Variants in EPHB2 observed in about 807,000 individuals in gnomAD.
The protein encoded by EPHB2 is ephrin type-B receptor 2.
A neutral mutation model predicts 96.4 loss-of-function variants in EPHB2; 18 were observed. That is an observed-to-expected ratio of 0.19 (90% CI 0.13 to 0.28). The LOEUF is 0.28. Ranked by LOEUF, EPHB2 falls within the 10% of genes least tolerant of loss-of-function variation. The pLI is 1.00. For synonymous variants in EPHB2, 506 were observed against 534.1 expected (o/e 0.95, Z 0.72); for missense variants, 989 against 1,355.4 (o/e 0.73, Z 4.25).
At chr1:22,871,326 C>G (rs1638658485) in intron 5 of EPHB2, among the ~76,000 whole-genome samples, 1 of 152,196 alleles carries the variant, frequency 6.6e-6, no homozygotes, top group African/African-American at 2.4e-5. Context: ...TGGGTATCCC[C>G]AGCCTTTGAG....
At chr1:22,812,547 G>A (rs1375738522) in intron 3 of EPHB2, among the ~76,000 whole-genome samples, 2 of 152,188 alleles carry the variant, frequency 1.3e-5, no homozygotes, top group Non-Finnish European at 2.9e-5. Context: ...GCTGTGGAGA[G>A]CGAGACGTTG....
At chr1:22,754,125 C>G (rs1469066825) in intron 1 of EPHB2, among the ~76,000 whole-genome samples, 3 of 152,196 alleles carry the variant, frequency 2.0e-5, no homozygotes, top group Admixed American at 2.0e-4. Context: ...ACTGGACCCT[C>G]TGTGGCCACC....
chr1:22,854,903 T>C (rs888908979), intron 3 of EPHB2, among the ~76,000 whole-genome samples: 4 of 152,124 alleles, frequency 2.6e-5, no homozygotes, highest in Admixed American at 2.0e-4. Flanking sequence ...AAAAGCCACT[T>C]TGCATGAGGC....
chr1:22,843,004 G>A (rs1267977063), intron 3 of EPHB2, among the ~76,000 whole-genome samples: 1 of 152,116 alleles, frequency 6.6e-6, no homozygotes, highest in Non-Finnish European at 1.5e-5. Context: ...CCCATTTGAT[G>A]ATAAATTCTC....
At position 22,865,026 on chromosome 1, in the gene EPHB2, A is replaced by G; in HGVS notation, c.1117A>G (p.Thr373Ala). The G allele has an allele frequency of 3.7e-6, 6 of 1,612,842 alleles. No individual in the cohort carries two copies. Among genetic ancestry groups the G allele is most frequent in the Non-Finnish European group, 5.1e-6 (6 of 1,179,080 alleles). ...CTGTGGCTCGGGCCGGGGTGCCTGC[A>G]CCCGCTGCGGGGACAATGTACAGTA... The part of the protein sequence containing the change: ...KSCGSGRGAC[T>A]RCGDNVQYAP... Residue 373 changes from threonine to alanine, a missense_variant, in exon 5 of 16, where the codon ACC (threonine) becomes GCC (alanine). By Grantham distance (58) the Thr-to-Ala change is moderately conservative. Transcript: ENST00000374630.
intron 1 of EPHB2, among the ~76,000 whole-genome samples, chr1:22,779,796 C>T (rs1644503161): frequency 6.6e-6 from 1 of 152,160 alleles, no homozygotes; most frequent in South Asian, 2.1e-4. Flanking sequence ...TCAAATGGTT[C>T]GTATTTGTTT....
chr1:22,756,345 G>A (rs926663767), intron 1 of EPHB2, among the ~76,000 whole-genome samples: 2 of 152,102 alleles, frequency 1.3e-5, no homozygotes, highest in African/African-American at 2.4e-5. Context: ...TCCACTGGGC[G>A]GCTGGCCTGG....
intron 5 of EPHB2, among the ~76,000 whole-genome samples, chr1:22,880,103 G>A (rs143272927): frequency 5.9e-4 from 90 of 152,232 alleles, no homozygotes; most frequent in Middle Eastern, 3.4e-3. Flanking sequence ...TTGGAGCCTC[G>A]AGGCCTCAGA....
intron 1 of EPHB2, among the ~76,000 whole-genome samples, chr1:22,726,196 CT>C (rs1643577411): frequency 6.6e-6 from 1 of 152,174 alleles, no homozygotes; most frequent in Admixed American, 6.5e-5. Context: ...CTCCTTCCTC[CT>C]TTTTCTCCTT....
chr1:22,909,005 CTCTT>C lies in EPHB2; in HGVS notation c.2353-13_2353-10del. 6.2e-7 allele frequency: 1 copy of C among 1,614,152 alleles called. No individual in the cohort carries two copies. The highest frequency in any genetic ancestry group is 8.5e-7 in the Non-Finnish European group (1 of 1,180,002). ...GCCAGCCTCCCACCCACAAACCCTC[CTCTT>C]TCTGTCTCCCAGGGCGGAAAGATCC... On this transcript the variant is annotated splice_polypyrimidine_tract_variant and intron_variant, in intron 12 of 15. Transcript: ENST00000374630.
rs1179018508 is a variant in EPHB2 at position 22,906,462 on chromosome 1, C to T, written c.1889-248C>T. ...CCCATCTCCCAGGTTCCCCTGCACC[C>T]TCACCCCCATGCCCAGCCAGGGATA... On this transcript the variant is annotated intron_variant, in intron 10 of 15. Coordinates refer to ENST00000374630, the MANE Select transcript of EPHB2 (RefSeq NM_017449.5). The surrounding 1 kb of genome is among the most constrained non-coding windows in gnomAD (Gnocchi z 4.8). 2.0e-5 allele frequency among the ~76,000 whole-genome samples: 3 copies of T among 152,170 alleles called. No individual in the cohort carries two copies. The highest frequency in any genetic ancestry group is 4.8e-5 in the African/African-American group (2 of 41,438).
intron 5 of EPHB2, among the ~76,000 whole-genome samples, chr1:22,866,827 A>G (rs1570410635): frequency 6.6e-6 from 1 of 152,096 alleles, no homozygotes; most frequent in African/African-American, 2.4e-5. Context: ...CCAGCTACTC[A>G]GGAGGCTGAG....
chr1:22,784,291 T>C lies in EPHB2; in HGVS notation c.127-101T>C. The C allele has an allele frequency of 1.8e-6, 2 of 1,125,956 alleles. No homozygotes were observed. Among genetic ancestry groups the C allele is most frequent in the Non-Finnish European group, 2.7e-6 (2 of 751,748 alleles). 69.7% of individuals were successfully genotyped at this position (1,125,956 alleles called of 1,614,324 possible). On this transcript the variant is annotated intron_variant, in intron 2 of 15. Transcript: ENST00000374630. This position sits in a 1 kb window ranked among gnomAD's most constrained non-coding sequence, Gnocchi z 5.1. ...TTCTCTGATGTCTTCACCATTAGAC[T>C]GGAGGGTTCCCTAAGGCAGAGTCTG...
At chr1:22,741,347 G>A (rs1332393141) in intron 1 of EPHB2, among the ~76,000 whole-genome samples, 4 of 151,938 alleles carry the variant, frequency 2.6e-5, no homozygotes, top group Middle Eastern at 3.4e-3. Context: ...TTAAAACCGC[G>A]TTCCTGGAGC....
intron 3 of EPHB2, among the ~76,000 whole-genome samples, chr1:22,823,818 C>G (rs1645185930): frequency 6.6e-6 from 1 of 152,218 alleles, no homozygotes; most frequent in Non-Finnish European, 1.5e-5. Flanking sequence ...TAGTGCCTGG[C>G]ACATAGTAGG....
At chr1:22,796,114 A>G (rs138880223) in intron 3 of EPHB2, among the ~76,000 whole-genome samples, 79 of 152,352 alleles carry the variant, frequency 5.2e-4, no homozygotes, top group South Asian at 1.0e-3. Context: ...CTGGAAATAC[A>G]GTGGTGAACA....
intron 6 of EPHB2, among the ~76,000 whole-genome samples, chr1:22,890,551 G>C (rs537833178): frequency 1.3e-5 from 2 of 152,214 alleles, no homozygotes; most frequent in Admixed American, 1.3e-4. Context: ...GTTCCTGTTT[G>C]TTCTTTGAGA....
chr1:22,771,390 G>C (rs138369967), intron 1 of EPHB2, among the ~76,000 whole-genome samples: 5 of 152,306 alleles, frequency 3.3e-5, no homozygotes, highest in Non-Finnish European at 4.4e-5. Flanking sequence ...CCAGGAGGGC[G>C]AGGGACATGG....
rs377586710 is a variant in EPHB2, at chr1:22,785,098, G to A, written c.811+22G>A. The A allele has an allele frequency of 6.9e-5, 111 of 1,612,984 alleles. No individual in the cohort carries two copies. In the African/African-American group the frequency reaches 1.3e-3, roughly 19 times the overall value. On this transcript the variant is annotated intron_variant, in intron 3 of 15. Transcript: ENST00000374630. The stretch of plus-strand genomic sequence containing the variant: ...CGAGGTAAGGGCCAGGGTGGGGCAC[G>A]TGCCCCTGCAAATGCATAGAACTGG...
Sources: gnomAD v4.1 joint callset for allele counts (sites outside exome capture counted in the v4.1 genomes callset) on GRCh38, gnomAD v4.1.1 for gene constraint, Gnocchi (gnomAD v3.1) non-coding constraint, MANE v1.5 for transcripts, NCBI Gene and HGNC (gene_info 2026-07-23, HGNC 2026-07-21) for gene names.